The following EYS variants were observed in gnomAD, a reference collection of about 807,000 sequenced individuals.
The protein encoded by EYS is protein eyes shut homolog.
EYS carries 250 observed loss-of-function variants against 282.1 expected under a neutral mutation model. That is an observed-to-expected ratio of 0.89 (90% CI 0.80 to 0.98). EYS has a LOEUF of 0.98. EYS is among the 50% of genes least tolerant of loss of function. EYS has a pLI of 0.00. For synonymous variants in EYS, 1,355 were observed against 1,282.9 expected (o/e 1.06, Z -1.20); for missense variants, 4,016 against 3,709.0 (o/e 1.08, Z -2.15).
At chr6:65,212,095 A>T (rs1397409188) in intron 12 of EYS, among the ~76,000 whole-genome samples, 1 of 151,124 alleles carries the variant, frequency 6.6e-6, no homozygotes, top group Non-Finnish European at 1.5e-5. Context: ...GAAAAAAAAA[A>T]TTTAAAAGTC....
At chr6:65,446,814 A>C (rs1768677616) in intron 5 of EYS, among the ~76,000 whole-genome samples, 1 of 144,102 alleles carries the variant, frequency 6.9e-6, no homozygotes, top group South Asian at 2.2e-4. Context: ...ATAAAAATTA[A>C]GAAACATAAA....
At chr6:65,041,841 C>T (rs893905208) in intron 13 of EYS, among the ~76,000 whole-genome samples, 1 of 151,476 alleles carries the variant, frequency 6.6e-6, no homozygotes, top group Admixed American at 6.6e-5. Context: ...AGCTCCAGTA[C>T]AAATTTCCTC....
At position 64,593,268 on chromosome 6, in the gene EYS, TCTC is replaced by T. The variant is rs1431321198; in HGVS notation, c.3723_3725del (p.Arg1242del). ...GAAAGATGGGAGTTAAACAGGTAAT[TCTC>T]CTTATTTCATCACCACAAAGAAGCC... On this transcript the variant is annotated inframe_deletion, in exon 25 of 43. Coordinates refer to ENST00000503581, the MANE Select transcript of EYS (RefSeq NM_001142800.2). 2.6e-6 allele frequency: 4 copies of T among 1,550,598 alleles called. No homozygotes were observed. The Admixed American group carries it at 7.9e-5, about 30-fold the overall frequency.
intron 2 of EYS, among the ~76,000 whole-genome samples, chr6:65,547,303 A>G (rs9363391): frequency 0.17 from 26,309 of 151,382 alleles, 2,876 homozygotes; most frequent in Middle Eastern, 0.32. Flanking sequence ...ATATGAATCT[A>G]CTAAAAACTA....
At chr6:63,956,245 G>A (rs1452113280) in intron 35 of EYS, among the ~76,000 whole-genome samples, 1 of 152,154 alleles carries the variant, frequency 6.6e-6, no homozygotes, top group Non-Finnish European at 1.5e-5. Context: ...AAAATGCCTG[G>A]TTCCTGCCTT....
chr6:65,071,820 G>A (rs1773910588), intron 12 of EYS, among the ~76,000 whole-genome samples: 1 of 151,794 alleles, frequency 6.6e-6, no homozygotes, highest in Non-Finnish European at 1.5e-5. Flanking sequence ...AATCCCCAGT[G>A]CAACAGTGTT....
chr6:64,534,797 T>C (rs1764467660), intron 26 of EYS, among the ~76,000 whole-genome samples: 1 of 108,606 alleles, frequency 9.2e-6, no homozygotes, highest in Non-Finnish European at 2.0e-5. Context: ...TAACACCATC[T>C]TTTTTTTTTT....
chr6:65,278,322 A>ATATATATATATATAGAT (rs1204346127), intron 12 of EYS, among the ~76,000 whole-genome samples: 3 of 39,640 alleles, frequency 7.6e-5, no homozygotes, highest in Admixed American at 4.7e-4. Context: ...TTCTATAGAA[A>ATATATATATATATAGAT]TCTATATATA....
Position 64,055,884 on chromosome 6 carries a change from C to T in EYS, c.6725+10454G>A, listed in dbSNP as rs1466131928. Among the ~76,000 whole-genome samples, 7 of 152,036 alleles carry T rather than the reference C, an allele frequency of 4.6e-5. No individual in the cohort carries two copies. In the East Asian group the frequency reaches 5.8e-4, roughly 13 times the overall value. ...CTAGTTTATCTAAAAACATTGCTTA[C>T]GTGTAAGTCAAACCCAAATGTCTCA... On this transcript the variant is annotated intron_variant, in intron 33 of 42. Transcript: ENST00000503581.
At chr6:65,065,664 T>C (rs2150162490) in intron 12 of EYS, among the ~76,000 whole-genome samples, 1 of 152,188 alleles carries the variant, frequency 6.6e-6, no homozygotes, top group South Asian at 2.1e-4. Flanking sequence ...ATTACAGGCG[T>C]GAGCCACCAC....
intron 2 of EYS, among the ~76,000 whole-genome samples, chr6:65,615,296 A>C (rs1766146065): frequency 6.6e-6 from 1 of 151,848 alleles, no homozygotes; most frequent in African/African-American, 2.4e-5. Flanking sequence ...GTGGGTATTA[A>C]ATGAGCATTG....
chr6:65,359,615 C>T (rs1764621890), intron 8 of EYS, among the ~76,000 whole-genome samples: 1 of 151,810 alleles, frequency 6.6e-6, no homozygotes, highest in Non-Finnish European at 1.5e-5. Context: ...ATCTATATTC[C>T]CTGGTGATTC....
At chr6:65,309,294 G>C (rs1769092440) in intron 11 of EYS, among the ~76,000 whole-genome samples, 3 of 152,128 alleles carry the variant, frequency 2.0e-5, no homozygotes, top group Non-Finnish European at 4.4e-5. Flanking sequence ...TTCCTTAGAA[G>C]GGGAAAGTTT....
chr6:64,666,111 G>A (rs558724833), intron 22 of EYS, among the ~76,000 whole-genome samples: 67 of 152,242 alleles, frequency 4.4e-4, no homozygotes, highest in Non-Finnish European at 7.8e-4. Context: ...GTGAGGAGAG[G>A]GAGAGGAGCA....
chr6:63,748,917 A>AT (rs1198420610), intron 41 of EYS, among the ~76,000 whole-genome samples: 1 of 150,622 alleles, frequency 6.6e-6, no homozygotes, highest in African/African-American at 2.4e-5. Context: ...ATTTTATTTT[A>AT]TTTTTTCAAA....
At chr6:64,136,779 C>T (rs116692116) in intron 31 of EYS, among the ~76,000 whole-genome samples, 1 of 151,940 alleles carries the variant, frequency 6.6e-6, no homozygotes, top group Admixed American at 6.6e-5. Flanking sequence ...AGGCTTTGTT[C>T]TTCCATTTCT....
At chr6:64,557,119 A>C (rs1474571575) in intron 26 of EYS, among the ~76,000 whole-genome samples, 1 of 151,836 alleles carries the variant, frequency 6.6e-6, no homozygotes, top group Non-Finnish European at 1.5e-5. Flanking sequence ...ACAACTCCTA[A>C]AGAATTCAGT....
At chr6:64,228,368 C>CA (rs1766313357) in intron 31 of EYS, among the ~76,000 whole-genome samples, 1 of 151,938 alleles carries the variant, frequency 6.6e-6, no homozygotes, top group Non-Finnish European at 1.5e-5. Context: ...GAGGCAACAA[C>CA]AAAAAAATTA....
chr6:65,603,834 G>A (rs1765690313), intron 2 of EYS, among the ~76,000 whole-genome samples: 1 of 151,684 alleles, frequency 6.6e-6, no homozygotes, highest in Admixed American at 6.6e-5. Flanking sequence ...TGATTGTTTG[G>A]GGTACTTCCT....
Sources: gnomAD v4.1 joint callset for allele counts (sites outside exome capture counted in the v4.1 genomes callset) on GRCh38, gnomAD v4.1.1 for gene constraint, MANE v1.5 for transcripts, NCBI Gene and HGNC (gene_info 2026-07-23, HGNC 2026-07-21) for gene names.